Variants in ZFHX3 observed in about 807,000 individuals in gnomAD.
ZFHX3 encodes the protein zinc finger homeobox protein 3.
A neutral mutation model predicts 279.1 loss-of-function variants in ZFHX3; 42 were observed. The observed-to-expected ratio is 0.15, with a 90% CI of 0.12 to 0.19. ZFHX3 has a LOEUF of 0.19. ZFHX3 is among the 10% of genes least tolerant of loss of function. ZFHX3 has a pLI of 1.00. For synonymous variants in ZFHX3, 2,293 were observed against 1,957.8 expected, an observed-to-expected ratio of 1.17 and a Z score of -4.52; for missense variants, 4,981 against 4,754.0, an observed-to-expected ratio of 1.05 and a Z score of -1.40.
chr16:73,126,320 G>T (rs1194049356), intron 7 of ZFHX3, among the ~76,000 whole-genome samples: 1 of 152,150 alleles, frequency 6.6e-6, no homozygotes, highest in Admixed American at 6.6e-5. Flanking sequence ...TACTGCAGAG[G>T]TCCAAGCACT....
At chr16:73,276,181 T>C (rs1046242578) in intron 4 of ZFHX3, among the ~76,000 whole-genome samples, 46 of 150,958 alleles carry the variant, frequency 3.0e-4, no homozygotes, top group African/African-American at 6.8e-4. Flanking sequence ...TTCTTTCTTT[T>C]TTTTTTTTTT....
intron 8 of ZFHX3, among the ~76,000 whole-genome samples, chr16:73,066,494 C>T (rs1338080981): frequency 2.0e-5 from 3 of 152,190 alleles, no homozygotes; most frequent in African/African-American, 7.2e-5. Flanking sequence ...CCCGGAGACA[C>T]CGGCTGAGGC....
intron 5 of ZFHX3, among the ~76,000 whole-genome samples, chr16:73,198,558 G>A (rs904040783): frequency 6.6e-6 from 1 of 152,106 alleles, no homozygotes; most frequent in Non-Finnish European, 1.5e-5. Context: ...GCCAGAAACT[G>A]CATGTAAAAC....
At chr16:73,309,779 T>C (rs1289934940) in intron 4 of ZFHX3, among the ~76,000 whole-genome samples, 2 of 152,130 alleles carry the variant, frequency 1.3e-5, no homozygotes, top group African/African-American at 4.8e-5. Flanking sequence ...AGGAACAAGA[T>C]AATTCTGAGT....
intron 1 of ZFHX3, among the ~76,000 whole-genome samples, chr16:73,887,024 T>G (rs1044943123): frequency 1.3e-5 from 2 of 152,224 alleles, no homozygotes; most frequent in African/African-American, 4.8e-5. Flanking sequence ...AAGATCCACC[T>G]TCTGCCTTCA....
At chr16:73,066,596 G>A (rs1162525234) in intron 8 of ZFHX3, among the ~76,000 whole-genome samples, 2 of 151,256 alleles carry the variant, frequency 1.3e-5, no homozygotes, top group Non-Finnish European at 1.5e-5. Context: ...GGATGGGCGG[G>A]GAAACAGGCC....
intron 5 of ZFHX3, among the ~76,000 whole-genome samples, chr16:73,219,819 C>G (rs1270478092): frequency 1.3e-5 from 2 of 152,174 alleles, no homozygotes; most frequent in East Asian, 3.9e-4. Context: ...GGCATGGTGG[C>G]TCACGCCTGT....
At chr16:73,417,988 C>CAAAAAAAAAAA (rs71156161) in intron 3 of ZFHX3, among the ~76,000 whole-genome samples, 3 of 57,856 alleles carry the variant, frequency 5.2e-5, no homozygotes, top group African/African-American at 8.4e-5. Context: ...GACTCCATCT[C>CAAAAAAAAAAA]AAAAAAAAAA....
At chr16:73,354,804 C>A (rs932504118) in intron 3 of ZFHX3, among the ~76,000 whole-genome samples, 14 of 152,200 alleles carry the variant, frequency 9.2e-5, no homozygotes, top group African/African-American at 3.4e-4. Flanking sequence ...CAATTCATCA[C>A]CCTGAGTATC....
chr16:72,951,869 G>C (rs1010262001), intron 2 of ZFHX3, among the ~76,000 whole-genome samples: 18 of 152,202 alleles, frequency 1.2e-4, no homozygotes, highest in African/African-American at 4.1e-4. Flanking sequence ...TGCAACTACG[G>C]AACTGAATTT....
chr16:72,923,718 G>C (rs1959269417), intron 3 of ZFHX3, among the ~76,000 whole-genome samples: 1 of 145,312 alleles, frequency 6.9e-6, no homozygotes, highest in Admixed American at 6.9e-5. Context: ...TCAATCTCAA[G>C]TCTCTCTCCT....
intron 2 of ZFHX3, among the ~76,000 whole-genome samples, chr16:72,951,712 T>C (rs1029638074): frequency 6.6e-6 from 1 of 152,182 alleles, no homozygotes; most frequent in Admixed American, 6.5e-5. Flanking sequence ...CAAGCCTTCA[T>C]GGGGAACCAG....
At chr16:73,720,408 A>G (rs1376663988) in intron 1 of ZFHX3, among the ~76,000 whole-genome samples, 1 of 152,266 alleles carries the variant, frequency 6.6e-6, no homozygotes, top group African/African-American at 2.4e-5. Context: ...GAAAAATTAT[A>G]TAGAACCTAA....
chr16:73,023,907 C>G (rs578014912), intron 1 of ZFHX3, among the ~76,000 whole-genome samples: 1 of 152,128 alleles, frequency 6.6e-6, no homozygotes, highest in South Asian at 2.1e-4. Flanking sequence ...GACAGGCTTA[C>G]GGGGAGGACA....
chr16:73,021,050 G>T (rs1034163971), intron 1 of ZFHX3, among the ~76,000 whole-genome samples: 7 of 152,176 alleles, frequency 4.6e-5, no homozygotes, highest in Admixed American at 6.5e-5. Context: ...TTTGAAAAAT[G>T]AAGCTCCTTA....
chr16:73,573,952 A>G (rs1225614040), intron 2 of ZFHX3, among the ~76,000 whole-genome samples: 1 of 152,116 alleles, frequency 6.6e-6, no homozygotes, highest in Non-Finnish European at 1.5e-5. Flanking sequence ...CAGCCTGCTT[A>G]CCTGTATCCT....
intron 1 of ZFHX3, among the ~76,000 whole-genome samples, chr16:73,044,700 C>T (rs1359179151): frequency 6.6e-6 from 1 of 152,192 alleles, no homozygotes; most frequent in African/African-American, 2.4e-5. Context: ...CAGCTCACTG[C>T]AACCTCCCCC....
At chr16:73,694,297 T>A (rs1049856470) in intron 1 of ZFHX3, among the ~76,000 whole-genome samples, 1 of 152,202 alleles carries the variant, frequency 6.6e-6, no homozygotes, top group African/African-American at 2.4e-5. Context: ...CATTCCAGCC[T>A]GGGCAGCAGA....
intron 2 of ZFHX3, among the ~76,000 whole-genome samples, chr16:73,585,252 C>A (rs1276545052): frequency 1.3e-5 from 2 of 152,118 alleles, no homozygotes; most frequent in Non-Finnish European, 2.9e-5. Flanking sequence ...CCCATCTCAA[C>A]TAAAAATACA....
Sources: gnomAD v4.1 joint callset for allele counts (sites outside exome capture counted in the v4.1 genomes callset) on GRCh38, gnomAD v4.1.1 for gene constraint, MANE v1.5 for transcripts, NCBI Gene and HGNC (gene_info 2026-07-23, HGNC 2026-07-21) for gene names.